LOC122539214: variants seen among roughly 807,000 people sequenced by gnomAD.
chr19:52,667,136 T>C, the LOC122539214 span, among the ~76,000 whole-genome samples: 1 of 151,810 alleles, frequency 6.6e-6, no homozygotes, highest in Non-Finnish European at 1.5e-5. Flanking sequence ...TAACATGTAT[T>C]ATCCTAACTT....
chr19:52,663,181 T>A, the LOC122539214 span, among the ~76,000 whole-genome samples: 2 of 151,570 alleles, frequency 1.3e-5, no homozygotes, highest in African/African-American at 2.4e-5. Flanking sequence ...AAAAAAAAAA[T>A]TCCAGGACCA....
At chr19:52,659,273 C>T in the LOC122539214 span, among the ~76,000 whole-genome samples, 3 of 151,038 alleles carry the variant, frequency 2.0e-5, no homozygotes, top group Non-Finnish European at 3.0e-5. Context: ...GAACGCGACC[C>T]CCGAAAACAA....
chr19:52,653,308 C>T, the LOC122539214 span: 1 of 1,353,772 alleles, frequency 7.4e-7, no homozygotes, highest in Non-Finnish European at 1.0e-6. Flanking sequence ...ACATTCATTA[C>T]ATGTGTAAGG....
chr19:52,652,791 G>GCCCC, the LOC122539214 span: 1 of 870,094 alleles, frequency 1.1e-6, no homozygotes, highest in Non-Finnish European at 1.9e-6. Flanking sequence ...TAAAGGCTTT[G>GCCCC]CCACACTCAT....
At chr19:52,664,445 C>G in the LOC122539214 span, among the ~76,000 whole-genome samples, 1 of 152,132 alleles carries the variant, frequency 6.6e-6, no homozygotes, top group East Asian at 1.9e-4. Context: ...GCGGTGAGCT[C>G]TGATCCTGTA....
the LOC122539214 span, among the ~76,000 whole-genome samples, chr19:52,681,148 G>A: frequency 6.6e-6 from 1 of 151,550 alleles, no homozygotes; most frequent in Non-Finnish European, 1.5e-5. Context: ...AGCCAGGCAT[G>A]GTGGCAGGCA....
At chr19:52,686,224 G>A in the LOC122539214 span, among the ~76,000 whole-genome samples, 1 of 151,944 alleles carries the variant, frequency 6.6e-6, no homozygotes, top group Non-Finnish European at 1.5e-5. Context: ...TGCAGACCTC[G>A]ATCTGAACTG....
the LOC122539214 span, among the ~76,000 whole-genome samples, chr19:52,655,965 G>A: frequency 1.8e-4 from 28 of 151,964 alleles, no homozygotes; most frequent in East Asian, 4.5e-3. Context: ...AATCCCAGCA[G>A]TTTGGGAGGC....
chr19:52,685,638 T>G, the LOC122539214 span, among the ~76,000 whole-genome samples: 1 of 152,084 alleles, frequency 6.6e-6, no homozygotes, highest in African/African-American at 2.4e-5. Flanking sequence ...AGCTCTTGCC[T>G]GTAATCCCAG....
chr19:52,659,997 T>C, the LOC122539214 span, among the ~76,000 whole-genome samples: 1 of 151,798 alleles, frequency 6.6e-6, no homozygotes, highest in South Asian at 2.1e-4. Flanking sequence ...TCGAGACCAG[T>C]CTGGCCAACA....
At chr19:52,661,475 T>C in the LOC122539214 span, among the ~76,000 whole-genome samples, 1 of 152,168 alleles carries the variant, frequency 6.6e-6, no homozygotes, top group African/African-American at 2.4e-5. Flanking sequence ...CAGTTCTCAA[T>C]ATGGGGGAAA....
At chr19:52,673,894 T>TA in the LOC122539214 span, among the ~76,000 whole-genome samples, 1 of 150,146 alleles carries the variant, frequency 6.7e-6, no homozygotes, top group Admixed American at 6.7e-5. Flanking sequence ...TGTGTGCCTG[T>TA]AATCCCAGCT....
chr19:52,652,687 G>A, the LOC122539214 span: 5 of 605,862 alleles, frequency 8.3e-6, no homozygotes, highest in African/African-American at 1.8e-5. Context: ...TGCAATGCTT[G>A]TAGCATTACT....
chr19:52,658,968 G>A, the LOC122539214 span, among the ~76,000 whole-genome samples: 8 of 152,262 alleles, frequency 5.3e-5, no homozygotes, highest in South Asian at 6.2e-4. Flanking sequence ...CCTGGAGTGC[G>A]AGCTGCTCAG....
the LOC122539214 span, among the ~76,000 whole-genome samples, chr19:52,680,604 ATATTTTT>A: frequency 6.7e-5 from 6 of 89,930 alleles, no homozygotes; most frequent in African/African-American, 1.7e-4. Context: ...TTTCCACAAA[ATATTTTT>A]TTTTTTTTTT....
the LOC122539214 span, among the ~76,000 whole-genome samples, chr19:52,678,449 C>CAAAAAAA: frequency 9.1e-6 from 1 of 109,702 alleles, no homozygotes; most frequent in Non-Finnish European, 1.8e-5. Context: ...GACTTCATCT[C>CAAAAAAA]AAAAAAAAAA....
At chr19:52,653,733 G>A in the LOC122539214 span, among the ~76,000 whole-genome samples, 1 of 152,232 alleles carries the variant, frequency 6.6e-6, no homozygotes, top group Admixed American at 6.5e-5. Flanking sequence ...CATTACACTT[G>A]TAAGGTTTTT....
the LOC122539214 span, among the ~76,000 whole-genome samples, chr19:52,680,306 T>C: frequency 1.3e-5 from 2 of 152,150 alleles, no homozygotes; most frequent in African/African-American, 4.8e-5. Flanking sequence ...CCACAGACTC[T>C]AGGTACCTGT....
chr19:52,682,839 G>A, the LOC122539214 span, among the ~76,000 whole-genome samples: 594 of 152,226 alleles, frequency 3.9e-3, 1 homozygote, highest in African/African-American at 0.014. Context: ...TTGTACTCCA[G>A]ACCTGGGCCA....
Sources: allele counts gnomAD v4.1 joint callset (sites outside exome capture counted in the v4.1 genomes callset), GRCh38; gene constraint gnomAD v4.1.1; transcripts MANE v1.5.